Variants in COL23A1 observed in about 807,000 individuals in gnomAD.
The protein encoded by COL23A1 is collagen alpha-1(XXIII) chain.
In COL23A1, 97 loss-of-function variants were observed where a neutral mutation model predicts 99.3. That is an observed-to-expected ratio of 0.98 (90% CI 0.83 to 1.16). The LOEUF is 1.16. Among genes scored for constraint, COL23A1 ranks in the 50% most tolerant of loss-of-function variants. The pLI is 0.00. For synonymous variants in COL23A1, 320 were observed against 308.2 expected (o/e 1.04, Z -0.40); for missense variants, 762 against 757.4 (o/e 1.01, Z -0.07).
At chr5:178,565,832 G>A (rs1762814051) in intron 1 of COL23A1, among the ~76,000 whole-genome samples, 2 of 152,068 alleles carry the variant, frequency 1.3e-5, no homozygotes, top group South Asian at 2.1e-4. Flanking sequence ...AGCTATCAGG[G>A]CCGGGCGCGG....
At chr5:178,337,978 T>A (rs6877633) in intron 2 of COL23A1, among the ~76,000 whole-genome samples, 51,702 of 152,060 alleles carry the variant, frequency 0.34, 10,368 homozygotes, top group Middle Eastern at 0.5. Flanking sequence ...CGTGTATCAT[T>A]TCACCCAGGC....
At chr5:178,477,051 T>C (rs1248129017) in intron 2 of COL23A1, among the ~76,000 whole-genome samples, 2 of 152,218 alleles carry the variant, frequency 1.3e-5, no homozygotes, top group Non-Finnish European at 2.9e-5. Flanking sequence ...TAACAGAATA[T>C]GTGGCTTCGG....
intron 2 of COL23A1, among the ~76,000 whole-genome samples, chr5:178,397,049 C>T (rs1049942772): frequency 6.6e-6 from 1 of 152,186 alleles, no homozygotes; most frequent in Non-Finnish European, 1.5e-5. Flanking sequence ...AGGAAGGACT[C>T]GCAGAGGCTT....
intron 2 of COL23A1, among the ~76,000 whole-genome samples, chr5:178,456,351 G>A (rs973896403): frequency 3.3e-5 from 5 of 152,244 alleles, no homozygotes; most frequent in East Asian, 1.9e-4. Context: ...GAAATACAGC[G>A]AAACATGTAA....
chr5:178,408,976 ACACACACACAC>A (rs1764916132), intron 2 of COL23A1, among the ~76,000 whole-genome samples: 16 of 13,460 alleles, frequency 1.2e-3, no homozygotes, highest in Admixed American at 4.5e-3. Context: ...AAAAAAAAAT[ACACACACACAC>A]ACACACACAC....
intron 5 of COL23A1, among the ~76,000 whole-genome samples, chr5:178,273,334 T>C (rs1479504257): frequency 1.3e-5 from 2 of 152,256 alleles, no homozygotes; most frequent in Non-Finnish European, 2.9e-5. Context: ...CGCTGCCCTC[T>C]GTCAAGCTAG....
At chr5:178,351,868 G>A (rs1761346352) in intron 2 of COL23A1, 1 of 152,158 alleles carries the variant, frequency 6.6e-6, no homozygotes, top group African/African-American at 2.4e-5. Context: ...CCGAAGGACT[G>A]GCGCTCTTAT....
intron 2 of COL23A1, among the ~76,000 whole-genome samples, chr5:178,435,789 C>A (rs948380096): frequency 1.3e-5 from 2 of 152,150 alleles, no homozygotes; most frequent in African/African-American, 4.8e-5. Flanking sequence ...GGAGAGGGCA[C>A]CCCCATCCCC....
chr5:178,479,310 G>C (rs1462870639), intron 2 of COL23A1, among the ~76,000 whole-genome samples: 1 of 152,170 alleles, frequency 6.6e-6, no homozygotes, highest in Non-Finnish European at 1.5e-5. Flanking sequence ...GCCAGGACCT[G>C]AACAGAGGCT....
chr5:178,316,653 T>C (rs1758997983), intron 2 of COL23A1, among the ~76,000 whole-genome samples: 1 of 152,240 alleles, frequency 6.6e-6, no homozygotes, highest in South Asian at 2.1e-4. Context: ...TCTTGTTTAT[T>C]GGAATCAAAC....
intron 2 of COL23A1, among the ~76,000 whole-genome samples, chr5:178,377,773 C>G (rs1271004909): frequency 1.3e-5 from 2 of 152,188 alleles, no homozygotes; most frequent in Non-Finnish European, 2.9e-5. Context: ...GGGACTCCTG[C>G]GTAGAGGTGG....
Position 178,242,080 on chromosome 5 carries a change from C to G in COL23A1, c.1543G>C (p.Glu515Gln), listed in dbSNP as rs755718927. Residue 515 changes from glutamate (E) to glutamine (Q), a missense_variant, in exon 27 of 29, where the codon GAG becomes CAG. By Grantham distance (29) the Glu-to-Gln change is conservative. Coordinates refer to ENST00000390654, the MANE Select transcript of COL23A1 (RefSeq NM_173465.4). ...TGGTCCAGGCCTGGTGGTCCCGGCT[C>G]GCCCTTCTGGCCCTTCACTCCTTTC... ...GRKGVKGQKG[E>Q]PGPPGLDQPC... 1.9e-6 allele frequency: 3 copies of G among 1,554,086 alleles called. No homozygotes were observed. Among genetic ancestry groups the G allele is most frequent in the Non-Finnish European group, 2.6e-6 (3 of 1,148,434 alleles).
At chr5:178,520,304 A>AGTCATTG in intron 2 of COL23A1, among the ~76,000 whole-genome samples, 1 of 152,164 alleles carries the variant, frequency 6.6e-6, no homozygotes, top group Non-Finnish European at 1.5e-5. Flanking sequence ...GGAGGTAGCC[A>AGTCATTG]GTCATTGGTT....
At chr5:178,286,946 C>T (rs1365272030) in intron 5 of COL23A1, among the ~76,000 whole-genome samples, 1 of 152,224 alleles carries the variant, frequency 6.6e-6, no homozygotes, top group Non-Finnish European at 1.5e-5. Context: ...TACAGAGTAA[C>T]CCGGGGTGAA....
intron 2 of COL23A1, among the ~76,000 whole-genome samples, chr5:178,553,333 G>C (rs1762107985): frequency 6.6e-6 from 1 of 152,182 alleles, no homozygotes; most frequent in Non-Finnish European, 1.5e-5. Context: ...AAATGTATCA[G>C]GTTCTGTATA....
intron 2 of COL23A1, among the ~76,000 whole-genome samples, chr5:178,448,581 T>C (rs538651078): frequency 6.6e-6 from 1 of 152,212 alleles, no homozygotes; most frequent in Non-Finnish European, 1.5e-5. Flanking sequence ...TCCTGCAGCA[T>C]CATAAGCTGG....
chr5:178,550,813 T>C (rs1161501947), intron 2 of COL23A1, among the ~76,000 whole-genome samples: 1 of 151,692 alleles, frequency 6.6e-6, no homozygotes, highest in Admixed American at 6.6e-5. Flanking sequence ...TGGCACGGAG[T>C]TGGCCAAGCT....
intron 2 of COL23A1, among the ~76,000 whole-genome samples, chr5:178,492,875 ACTT>A (rs1307771716): frequency 1.3e-5 from 2 of 151,996 alleles, no homozygotes; most frequent in Admixed American, 6.6e-5. Flanking sequence ...AAGTGGCTGA[ACTT>A]CTCTGTGCCT....
intron 2 of COL23A1, among the ~76,000 whole-genome samples, chr5:178,509,832 C>A (rs1050036925): frequency 6.6e-6 from 1 of 152,188 alleles, no homozygotes; most frequent in Non-Finnish European, 1.5e-5. Flanking sequence ...AATCATGTGC[C>A]GTCCAGGGAC....
Sources: gnomAD v4.1 joint callset for allele counts (sites outside exome capture counted in the v4.1 genomes callset) on GRCh38, gnomAD v4.1.1 for gene constraint, MANE v1.5 for transcripts, NCBI Gene and HGNC (gene_info 2026-07-23, HGNC 2026-07-21) for gene names.